The following C11orf65 variants were observed in gnomAD, a reference collection of about 807,000 sequenced individuals.
C11orf65 encodes chromosome 11 open reading frame 65, also known as protein MFI.
A neutral mutation model predicts 35.3 loss-of-function variants in C11orf65; 38 were observed. That is an observed-to-expected ratio of 1.08 (90% confidence interval 0.83 to 1.41). The LOEUF is 1.41. Ranked by LOEUF, C11orf65 falls within the 40% of genes most tolerant of loss-of-function variation. The probability of loss-of-function intolerance (pLI) is 0.00; values close to 1 mark genes in which losing one functional copy is unlikely to be tolerated. For missense variants in C11orf65, 370 were observed against 367.1 expected, an observed-to-expected ratio of 1.01 and a Z score of -0.06; for synonymous variants, 105 against 114.4, an observed-to-expected ratio of 0.92 and a Z score of 0.53.
In C11orf65 at chr11:108,331,472, A is replaced by C. The variant is rs1591167340; in HGVS notation, c.*78T>G. Reference sequence around the variant, plus strand: ...GACGGAATGAAGATTCCAACATATAAATTTTTGCCTCTTATGTACCAATTG... The same window carrying C: ...GACGGAATGAAGATTCCAACATATACATTTTTGCCTCTTATGTACCAATTG... On this transcript the variant is annotated 3_prime_UTR_variant, in exon 4 of 4. Coordinates refer to the C11orf65 transcript ENST00000524755. The C allele has an allele frequency of 6.2e-7, 1 of 1,613,392 alleles. No individual in the cohort carries two copies. The highest frequency in any genetic ancestry group is 8.5e-7 in the Non-Finnish European group (1 of 1,179,720).
At chr11:108,396,634 AT>A (rs2092314024) in intron 6 of C11orf65, among the ~76,000 whole-genome samples, 1 of 151,160 alleles carries the variant, frequency 6.6e-6, no homozygotes, top group South Asian at 2.1e-4. Context: ...GATTGAGACC[AT>A]CCTGGCTAAC....
chr11:108,404,596 T>G (rs1565653374), intron 6 of C11orf65, among the ~76,000 whole-genome samples: 1 of 149,986 alleles, frequency 6.7e-6, no homozygotes, highest in African/African-American at 2.4e-5. Flanking sequence ...CTTTTTTTTT[T>G]TTTTTGGATT....
At chr11:108,403,315 T>C (rs1405593306) in intron 6 of C11orf65, among the ~76,000 whole-genome samples, 3 of 152,010 alleles carry the variant, frequency 2.0e-5, no homozygotes, top group Non-Finnish European at 2.9e-5. Flanking sequence ...TCATAGTCAC[T>C]GGTTGAGTTA....
chr11:108,344,862 G>A (rs533579472), intron 2 of C11orf65, among the ~76,000 whole-genome samples: 1 of 152,130 alleles, frequency 6.6e-6, no homozygotes. Context: ...AGTCAGCCAG[G>A]TAATGGTGGC....
intron 5 of C11orf65, 104 bp downstream of exon 5, chr11:108,406,659 A>G (rs2092546379): frequency 1.3e-6 from 1 of 757,386 alleles, no homozygotes; most frequent in Non-Finnish European, 1.9e-6. Context: ...CAATTAAATT[A>G]CTAGGATTTA....
In C11orf65 at chr11:108,312,444, A is replaced by G. The variant is rs2084245699; in HGVS notation, c.641-3373T>C. The stretch of plus-strand genomic sequence containing the variant: ...CATTTGAAGAAGGAAGCCAGAGTAC[A>G]ACTATTTCTAGCTTGAGTGAAAAAA... On this transcript the variant is annotated intron_variant, in intron 6 of 6. Coordinates refer to the C11orf65 transcript ENST00000525729. 1 of 1,596,946 alleles carries G rather than the reference A, an allele frequency of 6.3e-7. No individual in the cohort carries two copies. Among genetic ancestry groups the G allele is most frequent in the Non-Finnish European group, 8.6e-7 (1 of 1,164,624 alleles).
At chr11:108,332,594 T>C (rs1186404308) in intron 3 of C11orf65, among the ~76,000 whole-genome samples, 3 of 152,190 alleles carry the variant, frequency 2.0e-5, no homozygotes, top group African/African-American at 7.2e-5. Flanking sequence ...AGAGTATGTA[T>C]CTTTGATGTA....
chr11:108,377,498 T>G (rs1176846500), intron 2 of C11orf65, among the ~76,000 whole-genome samples: 2 of 152,072 alleles, frequency 1.3e-5, no homozygotes, highest in African/African-American at 4.8e-5. Flanking sequence ...ATAAGAGCTA[T>G]CTATGACAGT....
At chr11:108,309,187 G>A (rs1224968316) in intron 6 of C11orf65, 3 of 562,958 alleles carry the variant, frequency 5.3e-6, no homozygotes, top group African/African-American at 1.9e-5. Context: ...CAAAAACAAA[G>A]AACAACAATA....
intron 7 of C11orf65, 106 bp from the exon 8 acceptor site, chr11:108,386,081 T>C (rs1163130312): frequency 2.3e-6 from 2 of 884,090 alleles, no homozygotes; most frequent in Non-Finnish European, 1.8e-6. Flanking sequence ...AATGATGGCA[T>C]GTTCACTAGC....
chr11:108,419,727 T>A (rs1591514502), intron 3 of C11orf65, among the ~76,000 whole-genome samples: 1 of 152,246 alleles, frequency 6.6e-6, no homozygotes, highest in East Asian at 1.9e-4. Context: ...AAAACTCTTT[T>A]AGTTCAACAG....
chr11:108,408,614 T>C, intron 3 of C11orf65, among the ~76,000 whole-genome samples: 1 of 150,222 alleles, frequency 6.7e-6, no homozygotes, highest in Non-Finnish European at 1.5e-5. Context: ...AGGTGGAGGC[T>C]TCAGTGAGCA....
chr11:108,348,405 G>GTA (rs957115312), intron 2 of C11orf65, among the ~76,000 whole-genome samples: 19 of 146,376 alleles, frequency 1.3e-4, no homozygotes, highest in Non-Finnish European at 7.5e-5. Flanking sequence ...TAGCTTCTAT[G>GTA]TATATATATA....
intron 2 of C11orf65, among the ~76,000 whole-genome samples, chr11:108,459,333 T>C (rs2093443726): frequency 6.6e-6 from 1 of 152,204 alleles, no homozygotes; most frequent in Non-Finnish European, 1.5e-5. Context: ...AGCAGATTTG[T>C]GACTAGCAGT....
intron 2 of C11orf65, among the ~76,000 whole-genome samples, chr11:108,359,881 A>G (rs147385157): frequency 0.014 from 2,089 of 152,304 alleles, 56 homozygotes; most frequent in African/African-American, 0.047. Flanking sequence ...ATCACAATTA[A>G]AAGAGCTAGA....
chr11:108,365,272 C>T (rs2137895768), intron 2 of C11orf65: 1 of 1,614,062 alleles, frequency 6.2e-7, no homozygotes, highest in Non-Finnish European at 8.5e-7. Flanking sequence ...TTTCTTATTC[C>T]CAAGGCCTTT....
At chr11:108,313,704 C>G (rs4988077) in intron 6 of C11orf65, among the ~76,000 whole-genome samples, 4,446 of 152,202 alleles carry the variant, frequency 0.029, 211 homozygotes, top group African/African-American at 0.1. Flanking sequence ...CTGAACTTTT[C>G]TACTCTGAGG....
intron 2 of C11orf65, among the ~76,000 whole-genome samples, chr11:108,356,537 TCTTA>T: frequency 2.9e-5 from 4 of 136,722 alleles, no homozygotes; most frequent in African/African-American, 1.1e-4. Context: ...ACTCTGTCTG[TCTTA>T]AAAAAAAAAA....
chr11:108,452,628 G>T (rs143321936), intron 2 of C11orf65, among the ~76,000 whole-genome samples: 1 of 152,152 alleles, frequency 6.6e-6, no homozygotes, highest in Non-Finnish European at 1.5e-5. Context: ...AATACCATTT[G>T]AGCCAGCCAT....
Sources: allele counts gnomAD v4.1 joint callset (sites outside exome capture counted in the v4.1 genomes callset), GRCh38; gene constraint gnomAD v4.1.1; transcripts MANE v1.5; gene names NCBI Gene and HGNC (gene_info 2026-07-23, HGNC 2026-07-21).